TSHZ2: variants seen among roughly 807,000 people sequenced by gnomAD.
The protein encoded by TSHZ2 is teashirt zinc finger homeobox 2, also known as teashirt homolog 2.
Under a neutral mutation model 74.4 loss-of-function variants are expected in TSHZ2, and 21 were observed. The ratio of observed to expected loss-of-function variants is 0.28; its 90% CI spans 0.20 to 0.41. The LOEUF is 0.41. TSHZ2 is among the 10% of genes least tolerant of loss of function. The pLI is 1.00. For missense variants in TSHZ2, 1,244 were observed against 1,293.5 expected (o/e 0.96, Z 0.59); for synonymous variants, 540 against 515.3 (o/e 1.05, Z -0.65).
chr20:53,340,182 TTC>T (rs1349276866), intron 2 of TSHZ2, among the ~76,000 whole-genome samples: 20 of 57,218 alleles, frequency 3.5e-4, no homozygotes, highest in African/African-American at 1.4e-3. Flanking sequence ...TCTTTCTTTT[TTC>T]TTTTTTTTTT....
chr20:53,368,551 T>C (rs1981357912), intron 2 of TSHZ2, among the ~76,000 whole-genome samples: 1 of 152,144 alleles, frequency 6.6e-6, no homozygotes, highest in Admixed American at 6.5e-5. Context: ...CCTCAAGTGA[T>C]CCACCCTCCT....
chr20:53,369,897 T>C (rs1476255115), intron 2 of TSHZ2, among the ~76,000 whole-genome samples: 2 of 152,212 alleles, frequency 1.3e-5, no homozygotes, highest in Non-Finnish European at 2.9e-5. Flanking sequence ...TCCACTACAC[T>C]GGTGATAGAA....
chr20:53,120,895 C>T (rs1986789973), intron 1 of TSHZ2, among the ~76,000 whole-genome samples: 1 of 152,230 alleles, frequency 6.6e-6, no homozygotes, highest in Non-Finnish European at 1.5e-5. Context: ...GGCTTCATTA[C>T]TGACAATCAA....
At chr20:53,090,699 A>G (rs529168062) in intron 1 of TSHZ2, among the ~76,000 whole-genome samples, 1 of 152,350 alleles carries the variant, frequency 6.6e-6, no homozygotes, top group East Asian at 1.9e-4. Context: ...CTTCCTCAGC[A>G]TCTTAAGATA....
chr20:53,484,382 CT>C (rs10610067), intron 2 of TSHZ2, among the ~76,000 whole-genome samples: 12,762 of 98,696 alleles, frequency 0.13, 625 homozygotes, highest in South Asian at 0.28. Flanking sequence ...TTATCTCTCT[CT>C]TTTTTTTTTT....
In TSHZ2 at chr20:53,061,102, C is replaced by A. The variant is rs577736331; in HGVS notation, c.40+87769C>A. Among the ~76,000 whole-genome samples, 16 of 152,236 alleles carry A rather than the reference C, an allele frequency of 1.1e-4. No individual in the cohort carries two copies. In the South Asian group the frequency reaches 1.2e-3, roughly 12 times the overall value. On this transcript the variant is annotated intron_variant, in intron 1 of 2. Transcript: ENST00000371497. ...AGTACAAAATTGACACTGTTGAACC[C>A]CAAAGAACATTTGTGAATGAATTAA...
chr20:53,039,471 C>T (rs1035328855), intron 1 of TSHZ2, among the ~76,000 whole-genome samples: 1 of 152,114 alleles, frequency 6.6e-6, no homozygotes, highest in Non-Finnish European at 1.5e-5. Flanking sequence ...TATTTATAGG[C>T]CTCTTTCTGT....
chr20:53,135,776 ATTTT>A (rs930491430), intron 1 of TSHZ2, among the ~76,000 whole-genome samples: 2 of 145,044 alleles, frequency 1.4e-5, no homozygotes, highest in South Asian at 4.4e-4. Flanking sequence ...CTAATGTTTT[ATTTT>A]TTTTTTTAGA....
chr20:53,396,173 G>A (rs1055280153), intron 2 of TSHZ2, among the ~76,000 whole-genome samples: 9 of 152,276 alleles, frequency 5.9e-5, no homozygotes, highest in East Asian at 1.9e-4. Context: ...TCCTGACCTC[G>A]TGATCCACCC....
At chr20:53,001,220 G>GTGTGTGTA (rs1305864427) in intron 1 of TSHZ2, among the ~76,000 whole-genome samples, 2 of 146,396 alleles carry the variant, frequency 1.4e-5, no homozygotes, top group African/African-American at 5.1e-5. Flanking sequence ...GTGTGTGTGT[G>GTGTGTGTA]TGTGTGTGTG....
At chr20:53,044,967 G>A (rs943261188) in intron 1 of TSHZ2, among the ~76,000 whole-genome samples, 3 of 152,102 alleles carry the variant, frequency 2.0e-5, no homozygotes, top group African/African-American at 7.2e-5. Flanking sequence ...CCAGAGTGCT[G>A]GGATTACAGG....
chr20:53,253,099 T>TA (rs1342785206), intron 1 of TSHZ2, among the ~76,000 whole-genome samples: 1 of 152,142 alleles, frequency 6.6e-6, no homozygotes, highest in East Asian at 1.9e-4. Flanking sequence ...AGTCAAGTCT[T>TA]AGTCTCCCTA....
chr20:53,264,500 CG>C (rs1990668518), intron 2 of TSHZ2, among the ~76,000 whole-genome samples: 1 of 152,300 alleles, frequency 6.6e-6, no homozygotes, highest in African/African-American at 2.4e-5. Context: ...ACATGTGTAA[CG>C]GTGCCTTGGC....
At chr20:53,377,802 G>A (rs1182585384) in intron 2 of TSHZ2, among the ~76,000 whole-genome samples, 8 of 152,176 alleles carry the variant, frequency 5.3e-5, no homozygotes, top group Admixed American at 4.6e-4. Context: ...GGTCGAGGCT[G>A]CCGTGAGCCA....
At chr20:53,102,700 C>G (rs1461349511) in intron 1 of TSHZ2, among the ~76,000 whole-genome samples, 3 of 152,160 alleles carry the variant, frequency 2.0e-5, no homozygotes, top group Non-Finnish European at 4.4e-5. Context: ...AACCTCCCCC[C>G]ATCTTGTTTA....
chr20:53,001,495 G>A (rs1982440863), intron 1 of TSHZ2, among the ~76,000 whole-genome samples: 1 of 152,096 alleles, frequency 6.6e-6, no homozygotes, highest in Admixed American at 6.5e-5. Flanking sequence ...GGTAGAGGAT[G>A]AAAGGAAAAT....
At chr20:52,979,432 G>A (rs1267528001) in intron 1 of TSHZ2, among the ~76,000 whole-genome samples, 1 of 152,178 alleles carries the variant, frequency 6.6e-6, no homozygotes. Flanking sequence ...GTCTCCAGCA[G>A]TGTGGCCGTA....
At chr20:52,994,291 T>G (rs1486148892) in intron 1 of TSHZ2, among the ~76,000 whole-genome samples, 1 of 152,018 alleles carries the variant, frequency 6.6e-6, no homozygotes, top group East Asian at 1.9e-4. Flanking sequence ...GTTGAAAGAA[T>G]GAATGGGTGA....
Position 53,040,055 on chromosome 20 carries a change from A to C in TSHZ2, c.40+66722A>C, listed in dbSNP as rs905672097. On this transcript the variant is annotated intron_variant, in intron 1 of 2. Transcript: ENST00000371497. ...CAGGAGGCGGAGGCTGCAGTGAGCC[A>C]AGATCGAGCCACTGCACTCCAGCCT... Among the ~76,000 whole-genome samples the C allele has an allele frequency of 6.6e-5, 10 of 151,748 alleles. No homozygotes were observed. The South Asian group carries it at 8.4e-4, about 13-fold the overall frequency.
Sources: allele counts gnomAD v4.1 joint callset (sites outside exome capture counted in the v4.1 genomes callset), GRCh38; gene constraint gnomAD v4.1.1; transcripts MANE v1.5; gene names NCBI Gene and HGNC (gene_info 2026-07-23, HGNC 2026-07-21).